EFCAB6: variants seen among roughly 807,000 people sequenced by gnomAD.
EFCAB6 encodes EF-hand calcium binding domain 6, also known as EF-hand calcium-binding domain-containing protein 6.
EFCAB6 carries 156 observed loss-of-function variants against 169.8 expected under a neutral mutation model. That is an observed-to-expected ratio of 0.92 (90% CI 0.81 to 1.05). The LOEUF (loss-of-function observed/expected upper bound fraction) is 1.05, where lower values mean the gene tolerates loss of function less well. Ranked by LOEUF, EFCAB6 falls within the 50% of genes least tolerant of loss-of-function variation. The pLI is 0.00. For missense variants in EFCAB6, 1,800 were observed against 1,829.1 expected (o/e 0.98, Z 0.29); for synonymous variants, 698 against 676.4 (o/e 1.03, Z -0.50).
chr22:43,581,249 AAAG>A (rs2050703820), intron 24 of EFCAB6, among the ~76,000 whole-genome samples: 2 of 152,330 alleles, frequency 1.3e-5, no homozygotes, highest in South Asian at 4.1e-4. Flanking sequence ...AAGACAGTGA[AAAG>A]AAGAAGAGGA....
chr22:43,556,587 G>A (rs925824400), intron 26 of EFCAB6, among the ~76,000 whole-genome samples: 1 of 152,070 alleles, frequency 6.6e-6, no homozygotes, highest in African/African-American at 2.4e-5. Context: ...TTAAAACTTG[G>A]TCATGTTTTA....
intron 29 of EFCAB6, chr22:43,536,014 A>G (rs2047365085): frequency 6.6e-6 from 1 of 152,218 alleles, no homozygotes; most frequent in Non-Finnish European, 1.5e-5. Context: ...ACTTTTGGAA[A>G]GCAATCGGCT....
At chr22:43,672,876 TAA>T (rs948702112) in intron 13 of EFCAB6, among the ~76,000 whole-genome samples, 3 of 137,132 alleles carry the variant, frequency 2.2e-5, no homozygotes, top group Non-Finnish European at 3.2e-5. Context: ...GAACTTAAAA[TAA>T]AAGTTAAAAA....
chr22:43,789,857 A>T (rs991700220), intron 2 of EFCAB6, among the ~76,000 whole-genome samples: 19 of 151,280 alleles, frequency 1.3e-4, no homozygotes, highest in African/African-American at 4.6e-4. Context: ...TCACACACAC[A>T]CACACACACA....
intron 27 of EFCAB6, chr22:43,540,568 T>G (rs1192193994): frequency 6.6e-7 from 1 of 1,506,272 alleles, no homozygotes; most frequent in Non-Finnish European, 8.8e-7. Context: ...ACAAGAGGAT[T>G]ATTCATGGCT....
chr22:43,729,401 G>T (rs1281173118), intron 8 of EFCAB6, among the ~76,000 whole-genome samples: 1 of 152,028 alleles, frequency 6.6e-6, no homozygotes, highest in Non-Finnish European at 1.5e-5. Context: ...CTGGCCTGGG[G>T]ATTACATTTC....
Position 43,528,993 on chromosome 22 carries a change from G to A in EFCAB6, c.4384-18C>T, listed in dbSNP as rs773827726. 2 of 1,561,550 alleles carry A rather than the reference G, an allele frequency of 1.3e-6. No individual in the cohort carries two copies. Among genetic ancestry groups the A allele is most frequent in the South Asian group, 2.3e-5 (2 of 86,194 alleles). Reference sequence around the variant, plus strand: ...CTCAGGACCTGGAAGACAGAGAAAAGGGGCCTCTGAGGCTTGTTTGGTGCC... The same window carrying A: ...CTCAGGACCTGGAAGACAGAGAAAAAGGGCCTCTGAGGCTTGTTTGGTGCC... On this transcript the variant is annotated intron_variant, in intron 31 of 31. Transcript: ENST00000262726.
At chr22:43,759,577 T>C (rs1335033817) in intron 5 of EFCAB6, 3 of 152,194 alleles carry the variant, frequency 2.0e-5, no homozygotes, top group South Asian at 2.1e-4. Context: ...AAATCATTCA[T>C]TGGGTGTTTC....
chr22:43,643,217 C>T (rs1446269184), intron 17 of EFCAB6, among the ~76,000 whole-genome samples: 1 of 152,202 alleles, frequency 6.6e-6, no homozygotes. Context: ...GAAGTATGAC[C>T]AACTCCATGT....
At chr22:43,809,971 G>T (rs1216754687) in intron 1 of EFCAB6, among the ~76,000 whole-genome samples, 1 of 152,090 alleles carries the variant, frequency 6.6e-6, no homozygotes, top group Non-Finnish European at 1.5e-5. Flanking sequence ...CATTATCATG[G>T]CTCACTGCAA....
At chr22:43,729,793 G>T (rs113165928) in intron 8 of EFCAB6, among the ~76,000 whole-genome samples, 1,624 of 152,228 alleles carry the variant, frequency 0.011, 6 homozygotes, top group Non-Finnish European at 0.014. Flanking sequence ...AAGTAAATTA[G>T]AAACAGCAAA....
At chr22:43,581,714 G>A (rs1390885826) in intron 24 of EFCAB6, among the ~76,000 whole-genome samples, 4 of 152,212 alleles carry the variant, frequency 2.6e-5, no homozygotes, top group Non-Finnish European at 4.4e-5. Flanking sequence ...GAAGTTTCCA[G>A]TGACTCAGAT....
At chr22:43,539,684 C>T (rs542413062) in intron 28 of EFCAB6, among the ~76,000 whole-genome samples, 11 of 152,316 alleles carry the variant, frequency 7.2e-5, no homozygotes, top group Non-Finnish European at 8.8e-5. Flanking sequence ...GGTCGCTCCA[C>T]GTCTGAGGGA....
Position 43,633,998 on chromosome 22 carries a change from C to T in EFCAB6, c.2098+1104G>A, listed in dbSNP as rs527543321. On this transcript the variant is annotated intron_variant, in intron 18 of 31. Transcript: ENST00000262726. Reference sequence around the variant, plus strand: ...GCAGCTTAGAGGGGCAAGGAGGAGACGGGCAGGGAGAGGAGAAGCAGGAAG... The same window carrying T: ...GCAGCTTAGAGGGGCAAGGAGGAGATGGGCAGGGAGAGGAGAAGCAGGAAG... 2.1e-4 allele frequency among the ~76,000 whole-genome samples: 32 copies of T among 152,148 alleles called. No individual in the cohort carries two copies. The South Asian group carries it at 3.9e-3, about 19-fold the overall frequency.
chr22:43,802,268 G>T (rs563652458), intron 2 of EFCAB6, among the ~76,000 whole-genome samples: 1 of 152,116 alleles, frequency 6.6e-6, no homozygotes, highest in South Asian at 2.1e-4. Flanking sequence ...GGTGGCTCAC[G>T]CCTGTAATCC....
At chr22:43,561,366 A>AAAAAAAAAAG (rs1555923770) in intron 26 of EFCAB6, among the ~76,000 whole-genome samples, 13 of 151,878 alleles carry the variant, frequency 8.6e-5, no homozygotes, top group Admixed American at 3.9e-4. Context: ...CAAAAAAAAA[A>AAAAAAAAAAG]AAAGAAAGAA....
intron 13 of EFCAB6, among the ~76,000 whole-genome samples, chr22:43,674,786 T>A (rs912205845): frequency 2.0e-5 from 3 of 152,138 alleles, no homozygotes; most frequent in African/African-American, 7.2e-5. Context: ...GTTTTACAGG[T>A]AAAGAAATGA....
At chr22:43,760,134 G>A (rs2061103719) in intron 5 of EFCAB6, among the ~76,000 whole-genome samples, 1 of 147,448 alleles carries the variant, frequency 6.8e-6, no homozygotes, top group Non-Finnish European at 1.5e-5. Flanking sequence ...AACCCAGGAG[G>A]CAGAGGTTGC....
chr22:43,767,729 GAC>G (rs2061359275), intron 4 of EFCAB6, among the ~76,000 whole-genome samples: 1 of 152,304 alleles, frequency 6.6e-6, no homozygotes, highest in East Asian at 1.9e-4. Flanking sequence ...TGAAGAAAAA[GAC>G]AGCCCGTCAA....
Sources: allele counts gnomAD v4.1 joint callset (sites outside exome capture counted in the v4.1 genomes callset), GRCh38; gene constraint gnomAD v4.1.1; transcripts MANE v1.5; gene names NCBI Gene and HGNC (gene_info 2026-07-23, HGNC 2026-07-21).